The following MTR variants were observed in gnomAD, a reference collection of about 807,000 sequenced individuals.
MTR encodes the protein 5-methyltetrahydrofolate-homocysteine methyltransferase.
In MTR, 84 loss-of-function variants were observed where a neutral mutation model predicts 154.8. The ratio of observed to expected loss-of-function variants is 0.54; its 90% confidence interval spans 0.45 to 0.65. The LOEUF is 0.65. MTR is among the 30% of genes least tolerant of loss of function. MTR has a pLI of 0.00. For synonymous variants in MTR, 554 were observed against 553.9 expected (o/e 1.00, Z 0.00); for missense variants, 1,275 against 1,570.2 (o/e 0.81, Z 3.18).
chr1:236,845,776 G>A (rs1362136319), intron 15 of MTR, among the ~76,000 whole-genome samples: 2 of 152,222 alleles, frequency 1.3e-5, no homozygotes, highest in East Asian at 1.9e-4. Context: ...AAAAAGCAAA[G>A]CAAAAATCCT....
At chr1:236,855,544 T>A (rs1664154833) in intron 18 of MTR, among the ~76,000 whole-genome samples, 1 of 152,180 alleles carries the variant, frequency 6.6e-6, no homozygotes, top group African/African-American at 2.4e-5. Context: ...CTTGATACTT[T>A]CTGGGAAAGT....
chr1:236,863,571 C>T lies in MTR; in HGVS notation c.2405+17C>T. 6.3e-7 allele frequency: 1 copy of T among 1,590,572 alleles called. No homozygotes were observed. The highest frequency in any genetic ancestry group is 8.6e-7 in the Non-Finnish European group (1 of 1,158,842). ...TAATTTCCGGTAAGTTAGGACCTCA[C>T]CTCTTTCAACCCCTTTTCCATTTAA... On this transcript the variant is annotated intron_variant, in intron 22 of 32. Coordinates refer to ENST00000366577, the MANE Select transcript of MTR (RefSeq NM_000254.3).
At chr1:236,797,757 G>A (rs1660476029) in intron 1 of MTR, among the ~76,000 whole-genome samples, 1 of 151,996 alleles carries the variant, frequency 6.6e-6, no homozygotes, top group Non-Finnish European at 1.5e-5. Context: ...TCAGGAGTTC[G>A]AGACCAGCCT....
intron 5 of MTR, among the ~76,000 whole-genome samples, 159 bp from the exon 6 acceptor site, chr1:236,812,579 C>T (rs1661367051): frequency 6.6e-6 from 1 of 152,198 alleles, no homozygotes; most frequent in Admixed American, 6.5e-5. Context: ...CTGTCCCTGC[C>T]ACCTTTCTTT....
chr1:236,810,396 A>C, intron 4 of MTR, 107 bp from the exon 5 acceptor site: 1 of 947,964 alleles, frequency 1.1e-6, no homozygotes, highest in South Asian at 1.3e-5. Flanking sequence ...GTTGTGGACA[A>C]AAGATTATAG....
intron 14 of MTR, 129 bp from the exon 15 acceptor site, chr1:236,838,285 C>A: frequency 2.2e-6 from 2 of 924,338 alleles, no homozygotes; most frequent in Non-Finnish European, 3.4e-6. Context: ...AAAATTCTAT[C>A]TCTGACATAC....
intron 15 of MTR, among the ~76,000 whole-genome samples, chr1:236,848,661 A>G (rs1663726839): frequency 6.6e-6 from 1 of 152,164 alleles, no homozygotes; most frequent in South Asian, 2.1e-4. Context: ...GCCTGGGTGC[A>G]GTGAGGCCAC....
At chr1:236,811,760 G>A in intron 5 of MTR, 1 of 452,866 alleles carries the variant, frequency 2.2e-6, no homozygotes. Flanking sequence ...TAAGCAAAAT[G>A]ATGCATAGCA....
chr1:236,891,456 A>G lies in MTR; in HGVS notation c.3204+127A>G, dbSNP rs1031078117. ...CAAATGACCAATCACATGCCCAAGA[A>G]GTGACCAGTCACACGCCCAAGCCCA... On this transcript the variant is annotated intron_variant, in intron 29 of 32. Coordinates refer to ENST00000366577, the MANE Select transcript of MTR (RefSeq NM_000254.3). 8.6e-5 allele frequency: 88 copies of G among 1,022,786 alleles called. No homozygotes were observed. The Admixed American group carries it at 1.3e-3, about 15-fold the overall frequency. 63.4% of individuals were successfully genotyped at this position (1,022,786 alleles called of 1,614,324 possible).
At position 236,864,162 on chromosome 1, in the gene MTR, C is replaced by T. The variant is rs747394832; in HGVS notation, c.2405+608C>T. Among the ~76,000 whole-genome samples the T allele has an allele frequency of 3.3e-5, 5 of 152,148 alleles. No individual in the cohort carries two copies. In the South Asian group the frequency reaches 6.2e-4, roughly 19 times the overall value. On this transcript the variant is annotated intron_variant, in intron 22 of 32. Coordinates refer to ENST00000366577, the MANE Select transcript of MTR (RefSeq NM_000254.3). ...GATGACCTGTAGTAAGTATGTGTTT[C>T]GCTTAGATTTGAACATATTCTTTGT...
At chr1:236,879,145 A>G (rs188938853) in intron 24 of MTR, among the ~76,000 whole-genome samples, 1 of 152,348 alleles carries the variant, frequency 6.6e-6, no homozygotes, top group Admixed American at 6.5e-5. Flanking sequence ...TACCTCAATG[A>G]TCCACATTTA....
intron 24 of MTR, among the ~76,000 whole-genome samples, chr1:236,878,285 T>C (rs901123251): frequency 1.3e-5 from 2 of 152,172 alleles, no homozygotes; most frequent in African/African-American, 4.8e-5. Context: ...ATAGAAAGCA[T>C]TCAGGAGTTG....
intron 1 of MTR, among the ~76,000 whole-genome samples, chr1:236,797,015 AT>A (rs1475479761): frequency 4.4e-4 from 65 of 149,404 alleles, no homozygotes; most frequent in African/African-American, 1.6e-3. Context: ...ATAGTGAGTG[AT>A]TTAAAAAAAA....
intron 9 of MTR, among the ~76,000 whole-genome samples, chr1:236,824,550 A>T (rs556080532): frequency 6.6e-6 from 1 of 152,168 alleles, no homozygotes; most frequent in Non-Finnish European, 1.5e-5. Flanking sequence ...TCTCTGGTCC[A>T]CTCTGTTAGT....
intron 22 of MTR, among the ~76,000 whole-genome samples, chr1:236,866,628 AG>A (rs1461615110): frequency 1.3e-5 from 2 of 152,248 alleles, no homozygotes; most frequent in African/African-American, 4.8e-5. Context: ...GCTGAAAACT[AG>A]GCTTCTTGCA....
At chr1:236,882,099 T>C (rs1356240679) in intron 25 of MTR, among the ~76,000 whole-genome samples, 1 of 152,270 alleles carries the variant, frequency 6.6e-6, no homozygotes, top group Non-Finnish European at 1.5e-5. Flanking sequence ...GCCATTGATG[T>C]AGACAAATAT....
chr1:236,855,296 C>T (rs1664142031), intron 18 of MTR, among the ~76,000 whole-genome samples: 1 of 152,166 alleles, frequency 6.6e-6, no homozygotes, highest in South Asian at 2.1e-4. Flanking sequence ...CCAAGGCTCT[C>T]TAATCTCACA....
intron 4 of MTR, among the ~76,000 whole-genome samples, chr1:236,809,558 G>T (rs1661184159): frequency 6.6e-6 from 1 of 152,212 alleles, no homozygotes; most frequent in Non-Finnish European, 1.5e-5. Flanking sequence ...TCATGGAAAT[G>T]CATAGACTAT....
chr1:236,799,789 GTGT>G (rs1558268134), intron 1 of MTR, among the ~76,000 whole-genome samples: 1 of 145,512 alleles, frequency 6.9e-6, no homozygotes. Context: ...CAAATTCATT[GTGT>G]TTTTTTTTTT....
Sources: gnomAD v4.1 joint callset for allele counts (sites outside exome capture counted in the v4.1 genomes callset) on GRCh38, gnomAD v4.1.1 for gene constraint, MANE v1.5 for transcripts, NCBI Gene and HGNC (gene_info 2026-07-23, HGNC 2026-07-21) for gene names.